TXN2: variants seen among roughly 807,000 people sequenced by gnomAD.
The protein encoded by TXN2 is thioredoxin 2.
A neutral mutation model predicts 14.6 loss-of-function variants in TXN2; 12 were observed. That is an observed-to-expected ratio of 0.82 (90% CI 0.53 to 1.33). The LOEUF (loss-of-function observed/expected upper bound fraction) is 1.33. Among genes scored for constraint, TXN2 ranks in the 40% most tolerant of loss-of-function variants. The probability of loss-of-function intolerance (pLI) is 0.00; values close to 1 mark genes in which losing one functional copy is unlikely to be tolerated. For missense variants in TXN2, 173 were observed against 207.7 expected (o/e 0.83, Z 1.03); for synonymous variants, 89 against 81.0 (o/e 1.10, Z -0.53).
chr22:36,469,882 G>A (rs1460658371), intron 3 of TXN2, among the ~76,000 whole-genome samples: 1 of 152,128 alleles, frequency 6.6e-6, no homozygotes, highest in Admixed American at 6.6e-5. Context: ...CTTGAACCCG[G>A]GAGGCAGAGG....
intron 3 of TXN2, 49 bp downstream of exon 3, chr22:36,476,684 G>A: frequency 6.2e-7 from 1 of 1,611,002 alleles, no homozygotes; most frequent in East Asian, 2.2e-5. Flanking sequence ...CCCTGGGCCT[G>A]ACACCTCCTA....
At chr22:36,469,207 T>A (rs1485024116) in intron 3 of TXN2, among the ~76,000 whole-genome samples, 2 of 152,188 alleles carry the variant, frequency 1.3e-5, no homozygotes, top group Non-Finnish European at 2.9e-5. Context: ...GCACTGCCAT[T>A]AGAGGGCATG....
At chr22:36,477,785 C>A (rs1359088904) in intron 2 of TXN2, among the ~76,000 whole-genome samples, 1 of 152,122 alleles carries the variant, frequency 6.6e-6, no homozygotes, top group African/African-American at 2.4e-5. Context: ...AGTTAAGAAA[C>A]CTGTGCAAGA....
At chr22:36,470,372 G>A (rs1456677224) in intron 3 of TXN2, among the ~76,000 whole-genome samples, 1 of 152,212 alleles carries the variant, frequency 6.6e-6, no homozygotes, top group Non-Finnish European at 1.5e-5. Flanking sequence ...GAAAGAGTTT[G>A]CTCCAGGAAG....
At chr22:36,474,644 C>T (rs1453626427) in intron 3 of TXN2, among the ~76,000 whole-genome samples, 1 of 152,214 alleles carries the variant, frequency 6.6e-6, no homozygotes, top group Non-Finnish European at 1.5e-5. Flanking sequence ...CAAATATCAG[C>T]ATCTGCTTCC....
rs1047448673 is a variant in TXN2, at chr22:36,481,555, G to T, written c.-1+9C>A. ...ACACCACCTCGAGCCACCCCCACAG[G>T]GCTCCTACCTCCCTGCAATGCGAGC... On this transcript the variant is annotated intron_variant, in intron 1 of 3. Coordinates refer to ENST00000216185, the MANE Select transcript of TXN2 (RefSeq NM_012473.4). The T allele has an allele frequency of 1.0e-6, 1 of 999,562 alleles. No individual in the cohort carries two copies. The highest frequency in any genetic ancestry group is 1.7e-5 in the African/African-American group (1 of 57,148). 61.9% of individuals were successfully genotyped at this position (999,562 alleles called of 1,614,324 possible).
In TXN2 at chr22:36,467,734, G is replaced by T; in HGVS notation, c.*70C>A. On this transcript the variant is annotated 3_prime_UTR_variant, in exon 4 of 4. Coordinates refer to ENST00000216185, the MANE Select transcript of TXN2 (RefSeq NM_012473.4). ...AGACAGGAGGGAGGCAGCAGGAAGG[G>T]CTGGCATGGAAGGGCTGAGTTCTAT... The T allele has an allele frequency of 7.6e-7, 1 of 1,321,416 alleles. No homozygotes were observed. Among genetic ancestry groups the T allele is most frequent in the Non-Finnish European group, 1.1e-6 (1 of 917,120 alleles). The allele number at this position is 1,321,416 out of a possible 1,614,324, so 81.9% of individuals were successfully genotyped here.
chr22:36,467,683 G>A lies in TXN2; in HGVS notation c.*121C>T, dbSNP rs1933188859. 1 of 841,358 alleles carries A rather than the reference G, an allele frequency of 1.2e-6. No homozygotes were observed. Among genetic ancestry groups the A allele is most frequent in the Admixed American group, 2.0e-5 (1 of 50,184 alleles). 52.1% of individuals were successfully genotyped at this position (841,358 alleles called of 1,614,324 possible). On this transcript the variant is annotated 3_prime_UTR_variant, in exon 4 of 4. Coordinates refer to ENST00000216185, the MANE Select transcript of TXN2 (RefSeq NM_012473.4). ...CGGAAGCACTCAGGGCTGGAGCCTG[G>A]GCTCTAAGCATGGGCCCCAGGAGCC... is the stretch of plus-strand genomic sequence containing the variant.
intron 3 of TXN2, among the ~76,000 whole-genome samples, chr22:36,471,209 T>C (rs1009787232): frequency 6.6e-6 from 1 of 152,198 alleles, no homozygotes; most frequent in East Asian, 1.9e-4. Flanking sequence ...CTGAGCCAAC[T>C]GAGGGGCTGA....
chr22:36,474,152 T>A (rs532376253), intron 3 of TXN2, among the ~76,000 whole-genome samples: 2 of 152,274 alleles, frequency 1.3e-5, no homozygotes, highest in South Asian at 4.1e-4. Flanking sequence ...GATAGATGCC[T>A]CCCTCACTGA....
intron 3 of TXN2, among the ~76,000 whole-genome samples, chr22:36,473,073 G>A (rs774386020): frequency 1.1e-4 from 16 of 152,166 alleles, no homozygotes; most frequent in African/African-American, 2.9e-4. Context: ...CTGGGAGGCC[G>A]AGGTGGGCGA....
intron 3 of TXN2, among the ~76,000 whole-genome samples, 185 bp downstream of exon 3, chr22:36,476,548 T>C (rs2145825336): frequency 6.6e-6 from 1 of 151,884 alleles, no homozygotes; most frequent in South Asian, 2.1e-4. Context: ...GCCGAGATCA[T>C]GCCATTGCAC....
intron 3 of TXN2, 76 bp downstream of exon 3, chr22:36,476,657 C>T (rs904980771): frequency 7.6e-6 from 12 of 1,588,834 alleles, no homozygotes; most frequent in Non-Finnish European, 1.0e-5. Flanking sequence ...CCCCAAGATA[C>T]CTCCTACACC....
At chr22:36,472,920 GAA>G (rs1933312362) in intron 3 of TXN2, among the ~76,000 whole-genome samples, 1 of 151,640 alleles carries the variant, frequency 6.6e-6, no homozygotes, top group Admixed American at 6.6e-5. Flanking sequence ...CCTTCAGAAT[GAA>G]AAAGTCAGTA....
chr22:36,472,242 T>G (rs1037318812), intron 3 of TXN2, among the ~76,000 whole-genome samples: 1 of 152,020 alleles, frequency 6.6e-6, no homozygotes, highest in Non-Finnish European at 1.5e-5. Context: ...CAGAATTAGG[T>G]AGACAGTGAA....
At chr22:36,472,836 C>T (rs894032780) in intron 3 of TXN2, among the ~76,000 whole-genome samples, 2 of 152,062 alleles carry the variant, frequency 1.3e-5, no homozygotes, top group Non-Finnish European at 2.9e-5. Flanking sequence ...AGCTGAGACA[C>T]GGCCTTCCAA....
chr22:36,475,427 CTGATG>C (rs2145824506), intron 3 of TXN2, among the ~76,000 whole-genome samples: 1 of 152,332 alleles, frequency 6.6e-6, no homozygotes, highest in South Asian at 2.1e-4. Flanking sequence ...TCCTCTCTTC[CTGATG>C]TATTTTTCTC....
At chr22:36,469,245 G>A (rs1217695414) in intron 3 of TXN2, among the ~76,000 whole-genome samples, 1 of 152,228 alleles carries the variant, frequency 6.6e-6, no homozygotes, top group Non-Finnish European at 1.5e-5. Flanking sequence ...CGCAAGTAAA[G>A]GCTCAGCACA....
chr22:36,467,481 G>C lies in TXN2; in HGVS notation c.*323C>G, dbSNP rs1933184257. The C allele has an allele frequency of 1.3e-5, 4 of 319,182 alleles. No homozygotes were observed. Among genetic ancestry groups the C allele is most frequent in the Non-Finnish European group, 2.4e-5 (4 of 167,168 alleles). The allele number at this position is 319,182 out of a possible 1,614,324, so 19.8% of individuals were successfully genotyped here. ...TGGAAGGGACCAAGATGAGGACCAA[G>C]GTGTGGCTGCCTGACTAGGAACGCT... On this transcript the variant is annotated 3_prime_UTR_variant, in exon 4 of 4. Transcript: ENST00000216185.
Sources: gnomAD v4.1 joint callset for allele counts (sites outside exome capture counted in the v4.1 genomes callset) on GRCh38, gnomAD v4.1.1 for gene constraint, MANE v1.5 for transcripts, NCBI Gene and HGNC (gene_info 2026-07-23, HGNC 2026-07-21) for gene names.